WNK2: variants seen among roughly 807,000 people sequenced by gnomAD.
WNK2 encodes the protein WNK lysine deficient protein kinase 2.
WNK2 carries 67 observed loss-of-function variants against 192.1 expected under a neutral mutation model. The ratio of observed to expected loss-of-function variants is 0.35; its 90% CI spans 0.29 to 0.43. The LOEUF is 0.43. WNK2 is among the 20% of genes least tolerant of loss of function. WNK2 has a pLI of 1.00. For missense variants in WNK2, 2,698 were observed against 3,089.7 expected (o/e 0.87, Z 3.01); for synonymous variants, 1,439 against 1,393.9 (o/e 1.03, Z -0.72).
intron 21 of WNK2, among the ~76,000 whole-genome samples, chr9:93,291,017 G>A (rs1256353831): frequency 6.6e-6 from 1 of 152,212 alleles, no homozygotes; most frequent in Non-Finnish European, 1.5e-5. Context: ...GCGGGACCCC[G>A]TAGTCCCAGG....
intron 2 of WNK2, among the ~76,000 whole-genome samples, chr9:93,210,754 C>T (rs1038800983): frequency 1.3e-5 from 2 of 152,162 alleles, no homozygotes; most frequent in Non-Finnish European, 2.9e-5. Flanking sequence ...CTTCAGGGTC[C>T]AGGGCACCAT....
chr9:93,305,810 C>T (rs1375660235), intron 26 of WNK2, among the ~76,000 whole-genome samples: 2 of 152,214 alleles, frequency 1.3e-5, no homozygotes, highest in East Asian at 1.9e-4. Flanking sequence ...GTTCCTGCTG[C>T]GGAGGGAGTG....
intron 29 of WNK2, 193 bp downstream of exon 29, chr9:93,317,824 C>T (rs1241376159): frequency 6.7e-7 from 1 of 1,498,428 alleles, no homozygotes; most frequent in Admixed American, 2.2e-5. Context: ...GTCAGCATGC[C>T]TGGCCCCCGG....
chr9:93,284,262 A>G (rs140044932), intron 19 of WNK2, among the ~76,000 whole-genome samples: 5 of 152,366 alleles, frequency 3.3e-5, no homozygotes, highest in Non-Finnish European at 5.9e-5. Flanking sequence ...TAGGAAGATA[A>G]CAGGTCAATC....
intron 28 of WNK2, among the ~76,000 whole-genome samples, chr9:93,310,718 T>C (rs893544190): frequency 1.3e-5 from 2 of 152,210 alleles, no homozygotes; most frequent in South Asian, 4.1e-4. Flanking sequence ...AGAAATGGAA[T>C]CATACAGTAT....
Position 93,268,211 on chromosome 9 carries a change from G to A in WNK2, c.3913+146G>A, listed in dbSNP as rs1024121590. ...GCCCCAGTCTGGGGACAGCTGCCCT[G>A]TCCGAGGAGCTGTCACCTGCAACCG... On this transcript the variant is annotated intron_variant, in intron 18 of 29. Coordinates refer to ENST00000427277, the MANE Select transcript of WNK2 (RefSeq NM_006648.4). 55 of 1,118,290 alleles carry A rather than the reference G, an allele frequency of 4.9e-5. No homozygotes were observed. The African/African-American group carries it at 7.9e-4, about 16-fold the overall frequency. 69.3% of individuals were successfully genotyped at this position (1,118,290 alleles called of 1,614,324 possible).
At chr9:93,227,402 C>T (rs966856866) in intron 2 of WNK2, among the ~76,000 whole-genome samples, 11 of 152,036 alleles carry the variant, frequency 7.2e-5, no homozygotes, top group African/African-American at 1.2e-4. Flanking sequence ...TGTGAGCCAC[C>T]GCACCCGGCC....
intron 2 of WNK2, among the ~76,000 whole-genome samples, chr9:93,211,035 C>G (rs549037046): frequency 3.9e-5 from 6 of 152,236 alleles, no homozygotes; most frequent in South Asian, 2.1e-4. Flanking sequence ...ACTATACATT[C>G]ACTCACACAT....
chr9:93,207,166 G>GTT (rs1478241023), intron 2 of WNK2, among the ~76,000 whole-genome samples: 4 of 152,156 alleles, frequency 2.6e-5, no homozygotes, highest in Non-Finnish European at 4.4e-5. Flanking sequence ...TTGTTAACCC[G>GTT]TTATCATGGG....
intron 19 of WNK2, among the ~76,000 whole-genome samples, chr9:93,286,054 A>G (rs1848401014): frequency 6.6e-6 from 1 of 152,238 alleles, no homozygotes; most frequent in Non-Finnish European, 1.5e-5. Context: ...AAGGGAAAAC[A>G]GTAAAGTTCC....
At chr9:93,265,689 C>T (rs1438992452) in intron 16 of WNK2, among the ~76,000 whole-genome samples, 7 of 152,348 alleles carry the variant, frequency 4.6e-5, no homozygotes, top group South Asian at 2.1e-4. Context: ...AGTGAACACC[C>T]GTGAAGTTAT....
chr9:93,261,029 G>A (rs1302763641), intron 12 of WNK2, among the ~76,000 whole-genome samples: 2 of 152,158 alleles, frequency 1.3e-5, no homozygotes, highest in Admixed American at 1.3e-4. Context: ...GTCTGTTGAT[G>A]AGCTGGGCTG....
chr9:93,209,475 C>G (rs549073331), intron 2 of WNK2, among the ~76,000 whole-genome samples: 2 of 152,314 alleles, frequency 1.3e-5, no homozygotes, highest in African/African-American at 4.8e-5. Context: ...AGTCCCCTCT[C>G]CCTCACGTCC....
In WNK2 at chr9:93,185,218, G is replaced by C. The variant is rs1008699003; in HGVS notation, c.289G>C (p.Ala97Pro). The C allele has an allele frequency of 8.5e-7, 1 of 1,172,668 alleles. No individual in the cohort carries two copies. The highest frequency in any genetic ancestry group is 1.0e-6 in the Non-Finnish European group (1 of 952,430). The allele number at this position is 1,172,668 out of a possible 1,614,324, so 72.6% of individuals were successfully genotyped here. The change falls in exon 2 of 30, where the codon GCG (alanine) becomes CCG (proline). Residue 97 changes from alanine (A) to proline (P), a missense_variant. Physicochemically the swap from Ala to Pro is conservative, Grantham distance 27 (BLOSUM62 -1). Coordinates refer to ENST00000427277, the MANE Select transcript of WNK2 (RefSeq NM_006648.4). ...CGCCCGCGGACGCCCCGCCGCCCCCGCGCCCGCAGCGCTGGTAGCGCAGCC... is the reference window on the plus strand; with the variant it reads ...CGCCCGCGGACGCCCCGCCGCCCCCCCGCCCGCAGCGCTGGTAGCGCAGCC... ...ERARGRPAAP[A>P]PAALVAQPGA...
chr9:93,274,515 C>CAAAAAAAAAAAAAAAAAAAAAAAAAAAA (rs67350876), intron 19 of WNK2, among the ~76,000 whole-genome samples: 1 of 118,400 alleles, frequency 8.4e-6, no homozygotes, highest in African/African-American at 3.4e-5. Context: ...CCGTCTCAAC[C>CAAAAAAAAAAAAAAAAAAAAAAAAAAAA]AAAAAAAAAA....
rs899869519 is a variant in WNK2, at chr9:93,304,033, C to T, written c.6215-2744C>T. Reference sequence around the variant, plus strand: ...GGGAGGTGGGCTGCCCCAGCTGTCCCGTGGGCTCCTGGGCAGTATTGAGCC... The same window carrying T: ...GGGAGGTGGGCTGCCCCAGCTGTCCTGTGGGCTCCTGGGCAGTATTGAGCC... On this transcript the variant is annotated intron_variant, in intron 26 of 29. Coordinates refer to ENST00000427277, the MANE Select transcript of WNK2 (RefSeq NM_006648.4). Among the ~76,000 whole-genome samples the T allele has an allele frequency of 3.3e-5, 5 of 152,178 alleles. No individual in the cohort carries two copies. The East Asian group carries it at 7.7e-4, about 23-fold the overall frequency.
At chr9:93,191,149 G>C (rs964497939) in intron 2 of WNK2, among the ~76,000 whole-genome samples, 1 of 152,144 alleles carries the variant, frequency 6.6e-6, no homozygotes. Flanking sequence ...CCAGGTCAGC[G>C]GGAAGATCTC....
At chr9:93,254,587 G>T (rs1211340177) in intron 9 of WNK2, among the ~76,000 whole-genome samples, 1 of 152,198 alleles carries the variant, frequency 6.6e-6, no homozygotes, top group African/African-American at 2.4e-5. Flanking sequence ...TGCAGCCCCA[G>T]GACTCATTTG....
chr9:93,231,451 A>G (rs959648499), intron 4 of WNK2, among the ~76,000 whole-genome samples: 1 of 152,096 alleles, frequency 6.6e-6, no homozygotes, highest in African/African-American at 2.4e-5. Context: ...CTGATTGTCT[A>G]GCAGGGGAGG....
Sources: gnomAD v4.1 joint callset for allele counts (sites outside exome capture counted in the v4.1 genomes callset) on GRCh38, gnomAD v4.1.1 for gene constraint, MANE v1.5 for transcripts, NCBI Gene and HGNC (gene_info 2026-07-23, HGNC 2026-07-21) for gene names.